The following OOSP3 variants were observed in gnomAD, a reference collection of about 807,000 sequenced individuals.
OOSP3 encodes the protein oocyte-secreted protein 3.
intron 2 of OOSP3, among the ~76,000 whole-genome samples, chr11:59,882,016 C>A (rs186505984): frequency 6.6e-6 from 1 of 152,342 alleles, no homozygotes; most frequent in Admixed American, 6.5e-5. Context: ...ACAAAACTTA[C>A]TTCATGAAAG....
intron 2 of OOSP3, among the ~76,000 whole-genome samples, chr11:59,881,207 T>TA (rs1019854068): frequency 1.3e-5 from 2 of 151,402 alleles, no homozygotes; most frequent in African/African-American, 2.4e-5. Flanking sequence ...AAAAAATATA[T>TA]AAAAAATTAG....
At chr11:59,893,966 C>T (rs1242552434) in intron 2 of OOSP3, 113 bp from the exon 3 acceptor site, 6 of 394,988 alleles carry the variant, frequency 1.5e-5, no homozygotes, top group African/African-American at 2.1e-5. Context: ...TGCAGAGAGA[C>T]CTTGGTGCAG....
At chr11:59,890,972 C>T (rs562817573) in intron 2 of OOSP3, among the ~76,000 whole-genome samples, 1 of 152,130 alleles carries the variant, frequency 6.6e-6, no homozygotes, top group Non-Finnish European at 1.5e-5. Flanking sequence ...TTGTTTATTT[C>T]TTTTCATTCT....
rs574121757 is a variant in OOSP3 at position 59,879,511 on chromosome 11, GT to G, written c.73+640del. Among the ~76,000 whole-genome samples the G allele has an allele frequency of 8.1e-3, 1,209 of 148,356 alleles. 21 individuals are homozygous for G. The highest frequency in any genetic ancestry group is 0.026 in the African/African-American group (1,063 of 40,548). ...AATACATATAATTTTGTTATTTCTA[GT>G]TTTTTTTTTAAACCATGAAAATACA... On this transcript the variant is annotated intron_variant, in intron 1 of 4. Coordinates refer to ENST00000646438, the Ensembl canonical transcript of OOSP3.
exon 1 of OOSP3, chr11:59,878,837 C>T (rs1049426394): frequency 1.2e-4 from 46 of 398,354 alleles, no homozygotes; most frequent in Admixed American, 3.5e-4. Context: ...TTACAGTCCT[C>T]TTTCCTTTTG....
intron 2 of OOSP3, among the ~76,000 whole-genome samples, chr11:59,890,091 A>C (rs1853297467): frequency 6.6e-6 from 1 of 152,104 alleles, no homozygotes; most frequent in African/African-American, 2.4e-5. Context: ...AGAAACTAGG[A>C]TTGCAACTCC....
chr11:59,890,134 T>C (rs1590874647), intron 2 of OOSP3, among the ~76,000 whole-genome samples: 1 of 152,206 alleles, frequency 6.6e-6, no homozygotes, highest in African/African-American at 2.4e-5. Context: ...GCTTGGTAAA[T>C]TTTCCTCCAT....
At chr11:59,880,692 C>T (rs1463985209) in intron 2 of OOSP3, among the ~76,000 whole-genome samples, 1 of 152,092 alleles carries the variant, frequency 6.6e-6, no homozygotes, top group Non-Finnish European at 1.5e-5. Context: ...TTTTTTAGTC[C>T]TTACATCCCC....
At chr11:59,887,765 GT>G (rs1853276630) in intron 2 of OOSP3, among the ~76,000 whole-genome samples, 1 of 152,084 alleles carries the variant, frequency 6.6e-6, no homozygotes, top group African/African-American at 2.4e-5. Flanking sequence ...GTTTAGGATT[GT>G]CCTGGCTGTA....
intron 2 of OOSP3, among the ~76,000 whole-genome samples, chr11:59,890,197 T>C (rs1425992695): frequency 1.3e-5 from 2 of 152,210 alleles, no homozygotes; most frequent in Non-Finnish European, 2.9e-5. Flanking sequence ...GTCTCTTGAA[T>C]ACAGCACACC....
At chr11:59,887,299 TTTGCTTTTGTTGCAA>T (rs1161562763) in intron 2 of OOSP3, among the ~76,000 whole-genome samples, 3 of 152,218 alleles carry the variant, frequency 2.0e-5, no homozygotes, top group South Asian at 4.1e-4. Flanking sequence ...TTTGTCAATT[TTTGCTTTTGTTGCAA>T]TTGCTTTTGT....
chr11:59,887,671 C>G (rs1853275522), intron 2 of OOSP3, among the ~76,000 whole-genome samples: 1 of 152,146 alleles, frequency 6.6e-6, no homozygotes. Context: ...TGTTTTTGCA[C>G]CAGTACCATG....
At chr11:59,895,098 C>T (rs1166837763) in intron 3 of OOSP3, among the ~76,000 whole-genome samples, 1 of 151,942 alleles carries the variant, frequency 6.6e-6, no homozygotes, top group African/African-American at 2.4e-5. Context: ...TTGGGGAAAT[C>T]CCTGAAACTT....
chr11:59,885,497 T>G (rs1243234617), intron 2 of OOSP3, among the ~76,000 whole-genome samples: 1 of 151,970 alleles, frequency 6.6e-6, no homozygotes, highest in Non-Finnish European at 1.5e-5. Flanking sequence ...CAGTCCCCAG[T>G]GTGTGTTGTT....
At chr11:59,895,925 C>G (rs187736621) in intron 4 of OOSP3, among the ~76,000 whole-genome samples, 5 of 152,282 alleles carry the variant, frequency 3.3e-5, no homozygotes, top group East Asian at 1.9e-4. Context: ...TAAACATAAT[C>G]TGAGTTGATA....
chr11:59,888,735 C>T (rs1853284137), intron 2 of OOSP3, among the ~76,000 whole-genome samples: 1 of 152,194 alleles, frequency 6.6e-6, no homozygotes, highest in African/African-American at 2.4e-5. Context: ...TGATATTCAT[C>T]AGGGATATTG....
At chr11:59,885,033 T>C (rs1489441389) in intron 2 of OOSP3, among the ~76,000 whole-genome samples, 1 of 152,214 alleles carries the variant, frequency 6.6e-6, no homozygotes, top group Non-Finnish European at 1.5e-5. Context: ...CTTAATCAGG[T>C]TGAGGACGTG....
chr11:59,886,553 A>G (rs1332923523), intron 2 of OOSP3, among the ~76,000 whole-genome samples: 1 of 152,214 alleles, frequency 6.6e-6, no homozygotes, highest in Non-Finnish European at 1.5e-5. Flanking sequence ...GTCTTCCACA[A>G]TGGTGGAACT....
intron 3 of OOSP3, 141 bp from the exon 4 acceptor site, chr11:59,895,361 C>T: frequency 2.7e-6 from 1 of 371,506 alleles, no homozygotes. Flanking sequence ...AAGTAGAAGG[C>T]AGAGAGGTAG....
Sources: gnomAD v4.1 joint callset for allele counts (sites outside exome capture counted in the v4.1 genomes callset) on GRCh38, gnomAD v4.1.1 for gene constraint, MANE v1.5 for transcripts, NCBI Gene and HGNC (gene_info 2026-07-23, HGNC 2026-07-21) for gene names.